Variants in NTN4 observed in about 807,000 individuals in gnomAD.
NTN4 encodes netrin-4.
Under a neutral mutation model 73.6 loss-of-function variants are expected in NTN4, and 32 were observed. The observed-to-expected ratio is 0.44, with a 90% CI of 0.33 to 0.58. The LOEUF (loss-of-function observed/expected upper bound fraction) is 0.58, where lower values mean the gene tolerates loss of function less well. Ranked by LOEUF, NTN4 falls within the 20% of genes least tolerant of loss-of-function variation. NTN4 has a pLI of 0.04. For missense variants in NTN4, 654 were observed against 798.3 expected, an observed-to-expected ratio of 0.82 and a Z score of 2.18; for synonymous variants, 258 against 287.5, an observed-to-expected ratio of 0.90 and a Z score of 1.04.
chr12:95,779,419 C>T (rs1478080123), intron 2 of NTN4, among the ~76,000 whole-genome samples: 2 of 152,216 alleles, frequency 1.3e-5, no homozygotes, highest in African/African-American at 2.4e-5. Flanking sequence ...ATTGTCTCAG[C>T]CCAAAACCTC....
chr12:95,681,870 T>C (rs1367870677), intron 7 of NTN4, among the ~76,000 whole-genome samples: 1 of 152,194 alleles, frequency 6.6e-6, no homozygotes, highest in African/African-American at 2.4e-5. Flanking sequence ...TTTGATTTTT[T>C]TGGCTTCATT....
At chr12:95,670,933 C>T (rs1565878348) in intron 7 of NTN4, 3 of 149,560 alleles carry the variant, frequency 2.0e-5, no homozygotes. Flanking sequence ...TTTCAAAATG[C>T]CTTTGTGCAT....
intron 2 of NTN4, among the ~76,000 whole-genome samples, chr12:95,754,672 C>A (rs190383789): frequency 1.2e-3 from 187 of 152,306 alleles, no homozygotes; most frequent in East Asian, 5.2e-3. Context: ...GAAGCTCCCC[C>A]ACTGAGCACC....
intron 3 of NTN4, among the ~76,000 whole-genome samples, chr12:95,715,544 A>G (rs1000341440): frequency 6.6e-6 from 1 of 152,156 alleles, no homozygotes; most frequent in Non-Finnish European, 1.5e-5. Context: ...AAAAGTTTCT[A>G]TATCAAAATT....
intron 5 of NTN4, among the ~76,000 whole-genome samples, chr12:95,697,606 C>A (rs935626517): frequency 1.3e-5 from 2 of 151,324 alleles, no homozygotes; most frequent in Non-Finnish European, 2.9e-5. Context: ...GTAAGCAGGG[C>A]CTTACAAAAC....
At chr12:95,730,131 A>G (rs911555785) in intron 3 of NTN4, among the ~76,000 whole-genome samples, 5 of 152,240 alleles carry the variant, frequency 3.3e-5, no homozygotes, top group African/African-American at 4.8e-5. Context: ...TCCCAAATTT[A>G]TAGAACAAGT....
chr12:95,790,270 T>TGCAGCCCCAGA lies in NTN4; in HGVS notation c.29_39dup (p.Thr14SerfsTer11). 6.5e-7 allele frequency: 1 copy of TGCAGCCCCAGA among 1,536,850 alleles called. No homozygotes were observed. Among genetic ancestry groups the TGCAGCCCCAGA allele is most frequent in the Non-Finnish European group, 8.8e-7 (1 of 1,141,724 alleles). On this transcript the variant is annotated frameshift_variant, in exon 1 of 10. Coordinates refer to ENST00000343702, the MANE Select transcript of NTN4 (RefSeq NM_021229.4). LOFTEE classifies it high-confidence loss of function. The surrounding 1 kb of genome is among the most constrained non-coding windows in gnomAD (Gnocchi z 6.5). Reference sequence around the variant, plus strand: ...CACCACCCACCTGCGGCCACCACCGTGCAGCCCCAGAGCAGCAGCAGCCGC... The same window carrying TGCAGCCCCAGA: ...CACCACCCACCTGCGGCCACCACCGTGCAGCCCCAGAGCAGCCCCAGAGCAGCAGCAGCCGC...
chr12:95,658,312 G>A lies in NTN4; in HGVS notation c.*774C>T, dbSNP rs1051938737. On this transcript the variant is annotated 3_prime_UTR_variant, in exon 10 of 10. Coordinates refer to ENST00000343702, the MANE Select transcript of NTN4 (RefSeq NM_021229.4). ...CTCTTCTGGTTTAGTTTTTTAAAAA[G>A]TTTCATCATGGCTGTCATCTTGGAA... is the stretch of plus-strand genomic sequence containing the variant. 2.6e-5 allele frequency: 4 copies of A among 152,154 alleles called. No homozygotes were observed. The highest frequency in any genetic ancestry group is 2.0e-4 in the Admixed American group (3 of 15,264). 9.4% of individuals were successfully genotyped at this position (152,154 alleles called of 1,614,324 possible).
At chr12:95,683,770 T>C in intron 5 of NTN4, 59 bp from the exon 6 acceptor site, 10 of 1,411,080 alleles carry the variant, frequency 7.1e-6, no homozygotes, top group Middle Eastern at 2.0e-4. Context: ...CGTGTGAACA[T>C]TAGGCTTGAC....
At chr12:95,737,830 ATTTGTTT>A in intron 3 of NTN4, 29 bp downstream of exon 3, 1 of 1,582,998 alleles carries the variant, frequency 6.3e-7, no homozygotes, top group Admixed American at 1.7e-5. Flanking sequence ...GTAACTTATG[ATTTGTTT>A]TTCTTAGGGG....
At chr12:95,777,373 G>A (rs2079101267) in intron 2 of NTN4, among the ~76,000 whole-genome samples, 1 of 152,146 alleles carries the variant, frequency 6.6e-6, no homozygotes, top group African/African-American at 2.4e-5. Flanking sequence ...TGGCAAATTG[G>A]ATAAAGAGTC....
intron 2 of NTN4, 70 bp downstream of exon 2, chr12:95,786,869 T>A (rs2079170917): frequency 8.2e-5 from 99 of 1,206,562 alleles, no homozygotes; most frequent in Non-Finnish European, 9.7e-5. Flanking sequence ...CTTCATGCTT[T>A]AAAAAAAAAT....
intron 2 of NTN4, among the ~76,000 whole-genome samples, chr12:95,778,339 C>CA (rs929911106): frequency 5.9e-5 from 9 of 151,840 alleles, no homozygotes; most frequent in Non-Finnish European, 7.4e-5. Context: ...GATAGAGACA[C>CA]AAAAAAACCT....
rs763585270 is a variant in NTN4, at chr12:95,738,056, C to T, written c.674G>A (p.Arg225His). The T allele has an allele frequency of 1.4e-5, 23 of 1,614,074 alleles. No individual in the cohort carries two copies. The highest frequency in any genetic ancestry group is 2.2e-5 in the East Asian group (1 of 44,882). Residue 225 changes from arginine to histidine, a missense_variant, in exon 3 of 10, where the codon CGC becomes CAC. Physicochemically the swap from Arg to His is conservative, Grantham distance 29 (BLOSUM62 0). Coordinates refer to ENST00000343702, the MANE Select transcript of NTN4 (RefSeq NM_021229.4). ...VQEQLKITNLRVQLLKRQSCP... is the reference protein window; with the variant it reads ...VQEQLKITNLHVQLLKRQSCP... Reference sequence around the variant, plus strand: ...AGACTGTCGTTTCAGCAGCTGCACGCGAAGGTTGGTGATCTTCAGCTGCTC... The same window carrying T: ...AGACTGTCGTTTCAGCAGCTGCACGTGAAGGTTGGTGATCTTCAGCTGCTC...
intron 3 of NTN4, among the ~76,000 whole-genome samples, chr12:95,729,246 AT>A (rs974377533): frequency 1.3e-4 from 20 of 151,258 alleles, no homozygotes; most frequent in Admixed American, 1.3e-3. Flanking sequence ...AAATATAATA[AT>A]TTTTTCCATT....
chr12:95,733,308 G>A (rs541297032), intron 3 of NTN4, among the ~76,000 whole-genome samples: 1 of 152,298 alleles, frequency 6.6e-6, no homozygotes, highest in East Asian at 1.9e-4. Flanking sequence ...ATTCCAGCAG[G>A]CTGGAGTCAA....
chr12:95,708,219 TATA>T (rs1408599441), intron 5 of NTN4, among the ~76,000 whole-genome samples: 2 of 151,772 alleles, frequency 1.3e-5, no homozygotes, highest in African/African-American at 4.8e-5. Flanking sequence ...TGACAGTTAT[TATA>T]ATACTAGTTT....
chr12:95,775,763 T>C (rs942811894), intron 2 of NTN4, among the ~76,000 whole-genome samples: 3 of 152,232 alleles, frequency 2.0e-5, no homozygotes, highest in Non-Finnish European at 1.5e-5. Flanking sequence ...GGGCAGGGCA[T>C]AGCCGAATAA....
intron 8 of NTN4, among the ~76,000 whole-genome samples, chr12:95,667,096 G>A (rs559919092): frequency 3.3e-5 from 5 of 152,144 alleles, no homozygotes; most frequent in Non-Finnish European, 7.4e-5. Flanking sequence ...AATTGATATG[G>A]CTGGGGATTA....
Sources: allele counts gnomAD v4.1 joint callset (sites outside exome capture counted in the v4.1 genomes callset), GRCh38; gene constraint gnomAD v4.1.1; non-coding constraint Gnocchi (gnomAD v3.1); transcripts MANE v1.5; gene names NCBI Gene and HGNC (gene_info 2026-07-23, HGNC 2026-07-21).